ENOX1: variants seen among roughly 807,000 people sequenced by gnomAD.
The protein encoded by ENOX1 is ecto-NOX disulfide-thiol exchanger 1.
Under a neutral mutation model 82.5 loss-of-function variants are expected in ENOX1, and 42 were observed. That is an observed-to-expected ratio of 0.51 (90% CI 0.40 to 0.66). The LOEUF (loss-of-function observed/expected upper bound fraction) is 0.66. ENOX1 is among the 30% of genes least tolerant of loss of function. The pLI is 0.00. For synonymous variants in ENOX1, 271 were observed against 282.2 expected, an observed-to-expected ratio of 0.96 and a Z score of 0.40; for missense variants, 608 against 811.6, an observed-to-expected ratio of 0.75 and a Z score of 3.05.
At chr13:43,348,519 A>T (rs1043920548) in intron 8 of ENOX1, among the ~76,000 whole-genome samples, 2 of 152,258 alleles carry the variant, frequency 1.3e-5, no homozygotes, top group Non-Finnish European at 2.9e-5. Context: ...GACCGAAAAT[A>T]GTAAATGCAA....
chr13:43,531,691 T>C (rs2078227494), intron 2 of ENOX1, among the ~76,000 whole-genome samples: 3 of 144,464 alleles, frequency 2.1e-5, no homozygotes, highest in Non-Finnish European at 3.0e-5. Context: ...CCAACAACGA[T>C]AGACTGGATT....
intron 2 of ENOX1, among the ~76,000 whole-genome samples, chr13:43,579,927 G>A (rs1451330014): frequency 1.3e-5 from 2 of 152,210 alleles, no homozygotes; most frequent in African/African-American, 4.8e-5. Flanking sequence ...GTAGGAAAGA[G>A]TTCAAGGTGT....
intron 9 of ENOX1, among the ~76,000 whole-genome samples, chr13:43,341,324 T>C (rs2049045571): frequency 1.3e-5 from 2 of 148,958 alleles, no homozygotes; most frequent in Non-Finnish European, 3.0e-5. Flanking sequence ...GATGCAGTGA[T>C]GGCAAATCTA....
At chr13:43,439,039 A>ATTTT (rs2056202689) in intron 3 of ENOX1, among the ~76,000 whole-genome samples, 1 of 121,738 alleles carries the variant, frequency 8.2e-6, no homozygotes, top group African/African-American at 2.9e-5. Flanking sequence ...CTGTCTTTTA[A>ATTTT]TCTTTTTTTT....
Position 43,484,008 on chromosome 13 carries a change from C to T in ENOX1, c.-75+1G>A, listed in dbSNP as rs2058602340. 1 of 985,258 alleles carries T rather than the reference C, an allele frequency of 1.0e-6. No individual in the cohort carries two copies. Among genetic ancestry groups the T allele is most frequent in the Non-Finnish European group, 1.2e-6 (1 of 829,898 alleles). The allele number at this position is 985,258 out of a possible 1,614,324, so 61.0% of individuals were successfully genotyped here. On this transcript the variant is annotated splice_donor_variant, in intron 3 of 16. Transcript: ENST00000690772. LOFTEE classifies it low-confidence loss of function (5UTR_SPLICE). Reference sequence around the variant, plus strand: ...AGAAAAATGAAAAAATTAACACAAACCTCAAAACTGCCAGCAGCTCAGAAG... The same window carrying T: ...AGAAAAATGAAAAAATTAACACAAATCTCAAAACTGCCAGCAGCTCAGAAG...
At chr13:43,742,876 G>T (rs1055639941) in intron 1 of ENOX1, among the ~76,000 whole-genome samples, 2 of 146,834 alleles carry the variant, frequency 1.4e-5, no homozygotes, top group African/African-American at 4.9e-5. Flanking sequence ...CAATTTTGGG[G>T]AATAGGGACA....
At chr13:43,609,389 A>T (rs2082106342) in intron 2 of ENOX1, among the ~76,000 whole-genome samples, 1 of 152,210 alleles carries the variant, frequency 6.6e-6, no homozygotes, top group Non-Finnish European at 1.5e-5. Flanking sequence ...TTAATAAAGT[A>T]GTCACTGTGG....
intron 1 of ENOX1, among the ~76,000 whole-genome samples, chr13:43,715,210 C>A (rs2088029481): frequency 6.6e-6 from 1 of 152,150 alleles, no homozygotes; most frequent in Non-Finnish European, 1.5e-5. Flanking sequence ...ATTGAAAGTT[C>A]TTTTCTTTAA....
rs558247134 is a variant in ENOX1, at chr13:43,244,661, G to A, written c.1612-7923C>T. Among the ~76,000 whole-genome samples, 8 of 152,194 alleles carry A rather than the reference G, an allele frequency of 5.3e-5. No homozygotes were observed. The East Asian group carries it at 7.7e-4, about 15-fold the overall frequency. On this transcript the variant is annotated intron_variant, in intron 14 of 16. Coordinates refer to ENST00000690772, the MANE Select transcript of ENOX1 (RefSeq NM_001347969.2). ...CCACACCCTAAATAGAGAAACCACC[G>A]CCATGTGACTTCCCCTATGACCCTC...
At chr13:43,684,710 A>T (rs188486) in intron 1 of ENOX1, among the ~76,000 whole-genome samples, 2 of 152,056 alleles carry the variant, frequency 1.3e-5, no homozygotes, top group Non-Finnish European at 2.9e-5. Context: ...TTTACCACAG[A>T]GACTGATATG....
At chr13:43,442,450 T>C (rs1299464187) in intron 3 of ENOX1, among the ~76,000 whole-genome samples, 3 of 152,116 alleles carry the variant, frequency 2.0e-5, no homozygotes, top group East Asian at 1.9e-4. Flanking sequence ...CACTGGGAGA[T>C]AGGGCAAGAG....
At chr13:43,753,195 T>C (rs1950414698) in intron 1 of ENOX1, among the ~76,000 whole-genome samples, 1 of 152,192 alleles carries the variant, frequency 6.6e-6, no homozygotes, top group Non-Finnish European at 1.5e-5. Flanking sequence ...AGATTCATCT[T>C]TTCAATTTAA....
chr13:43,459,815 A>G (rs2057385560), intron 3 of ENOX1, among the ~76,000 whole-genome samples: 1 of 152,154 alleles, frequency 6.6e-6, no homozygotes, highest in African/African-American at 2.4e-5. Flanking sequence ...AACATCGTGA[A>G]ACCCCATCTC....
At chr13:43,322,932 C>T (rs1445188309) in intron 10 of ENOX1, among the ~76,000 whole-genome samples, 1 of 152,202 alleles carries the variant, frequency 6.6e-6, no homozygotes, top group African/African-American at 2.4e-5. Context: ...CACGGTGTGA[C>T]ATTAGGAAGG....
chr13:43,506,415 G>T (rs1373114164), intron 2 of ENOX1, among the ~76,000 whole-genome samples: 3 of 150,004 alleles, frequency 2.0e-5, no homozygotes, highest in African/African-American at 7.3e-5. Context: ...AACCATTGTG[G>T]AAGTCGGTGT....
At chr13:43,298,017 T>C (rs573578660) in intron 12 of ENOX1, among the ~76,000 whole-genome samples, 1 of 152,354 alleles carries the variant, frequency 6.6e-6, no homozygotes, top group African/African-American at 2.4e-5. Context: ...AGTTCTAAGA[T>C]TACAAAATGC....
chr13:43,456,113 G>A (rs560585931), intron 3 of ENOX1, among the ~76,000 whole-genome samples: 95 of 151,910 alleles, frequency 6.3e-4, no homozygotes, highest in African/African-American at 2.2e-3. Context: ...CTGTTCTATA[G>A]AATGCTTTTT....
intron 15 of ENOX1, among the ~76,000 whole-genome samples, 168 bp downstream of exon 15, chr13:43,236,467 GT>G (rs1204418943): frequency 3.3e-5 from 5 of 152,172 alleles, no homozygotes; most frequent in African/African-American, 4.8e-5. Context: ...ACCCCCATTA[GT>G]TTGTATGCCA....
At chr13:43,403,954 T>G (rs1369754901) in intron 5 of ENOX1, among the ~76,000 whole-genome samples, 2 of 152,250 alleles carry the variant, frequency 1.3e-5, no homozygotes, top group Non-Finnish European at 2.9e-5. Context: ...GTGTAGCGTC[T>G]ATGGCAGTGC....
Sources: allele counts gnomAD v4.1 joint callset (sites outside exome capture counted in the v4.1 genomes callset), GRCh38; gene constraint gnomAD v4.1.1; transcripts MANE v1.5; gene names NCBI Gene and HGNC (gene_info 2026-07-23, HGNC 2026-07-21).